ADAMTSL3: variants seen among roughly 807,000 people sequenced by gnomAD.
ADAMTSL3 encodes the protein ADAMTS-like protein 3.
ADAMTSL3 carries 128 observed loss-of-function variants against 201.7 expected under a neutral mutation model. That is an observed-to-expected ratio of 0.63 (90% confidence interval 0.55 to 0.73). ADAMTSL3 has a LOEUF of 0.73. Ranked by LOEUF, ADAMTSL3 falls within the 30% of genes least tolerant of loss-of-function variation. The pLI, the probability that ADAMTSL3 is intolerant of heterozygous loss-of-function variation, is 0.00. For synonymous variants in ADAMTSL3, 738 were observed against 748.4 expected (o/e 0.99, Z 0.23); for missense variants, 1,990 against 2,119.6 (o/e 0.94, Z 1.20).
intron 3 of ADAMTSL3, among the ~76,000 whole-genome samples, chr15:83,726,048 T>G (rs769122170): frequency 2.6e-5 from 4 of 152,166 alleles, no homozygotes; most frequent in Non-Finnish European, 1.5e-5. Flanking sequence ...TTTCCTTTTT[T>G]TGGTGTGTCC....
At position 83,922,197 on chromosome 15, in the gene ADAMTSL3, A is replaced by G. The variant is rs2066160024; in HGVS notation, c.1988-1707A>G. Among the ~76,000 whole-genome samples the G allele has an allele frequency of 3.3e-5, 5 of 152,284 alleles. No individual in the cohort carries two copies. The South Asian group carries it at 8.3e-4, about 25-fold the overall frequency. ...AGAAGTGTCTAAGTAACATTGTAGG[A>G]CCAATGTATGGGATGGGAGATATTT... On this transcript the variant is annotated intron_variant, in intron 16 of 29. Coordinates refer to ENST00000286744, the MANE Select transcript of ADAMTSL3 (RefSeq NM_207517.3).
At chr15:84,024,967 G>C (rs2068275706) in intron 26 of ADAMTSL3, among the ~76,000 whole-genome samples, 1 of 152,012 alleles carries the variant, frequency 6.6e-6, no homozygotes, top group African/African-American at 2.4e-5. Flanking sequence ...TACCCTCTAG[G>C]GCCACACAAG....
At chr15:83,722,465 A>G (rs1273005524) in intron 3 of ADAMTSL3, among the ~76,000 whole-genome samples, 1 of 152,236 alleles carries the variant, frequency 6.6e-6, no homozygotes, top group Non-Finnish European at 1.5e-5. Flanking sequence ...GGAAAAAGAT[A>G]GGAAGGAGCA....
At chr15:83,927,552 G>T (rs999428272) in intron 17 of ADAMTSL3, among the ~76,000 whole-genome samples, 2 of 152,148 alleles carry the variant, frequency 1.3e-5, no homozygotes, top group Admixed American at 1.3e-4. Context: ...GTGAAAAGTA[G>T]CTAGTACTAT....
At chr15:83,941,649 A>G (rs1423148669) in intron 17 of ADAMTSL3, among the ~76,000 whole-genome samples, 2 of 152,206 alleles carry the variant, frequency 1.3e-5, no homozygotes, top group African/African-American at 2.4e-5. Context: ...TGCTGTATGA[A>G]TGGACAGTTA....
chr15:83,943,034 T>C lies in ADAMTSL3; in HGVS notation c.2442T>C (p.Cys814=). 6.2e-7 allele frequency: 1 copy of C among 1,614,014 alleles called. No individual in the cohort carries two copies. The highest frequency in any genetic ancestry group is 8.5e-7 in the Non-Finnish European group (1 of 1,179,912). Residue 814 remains cysteine (C), a synonymous_variant, in exon 19 of 30, where the codon TGT becomes TGC. Coordinates refer to ENST00000286744, the MANE Select transcript of ADAMTSL3 (RefSeq NM_207517.3). ...CCAAGGCATCGTCTCACAAGTCCTG[T>C]GCCAGGACAGACTGTCCTCCACATT... ...QGPKASSHKS[C]ARTDCPPHLA...
chr15:83,684,668 G>A (rs2061514300), intron 2 of ADAMTSL3, among the ~76,000 whole-genome samples: 1 of 152,162 alleles, frequency 6.6e-6, no homozygotes, highest in South Asian at 2.1e-4. Flanking sequence ...CATTATGTTA[G>A]TGAGATTATT....
rs1290503284 is a variant in ADAMTSL3, at chr15:83,661,590, T to G, written c.69+5760T>G. On this transcript the variant is annotated intron_variant, in intron 2 of 29. Transcript: ENST00000286744. ...ATGATTTGGCTCTCTGTTTGTCTTT[T>G]GTTGGTGTATAAGAATGCTTGTGAT... Among the ~76,000 whole-genome samples the G allele has an allele frequency of 5.9e-5, 9 of 152,314 alleles. No individual in the cohort carries two copies. In the East Asian group the frequency reaches 1.7e-3, roughly 29 times the overall value.
intron 9 of ADAMTSL3, among the ~76,000 whole-genome samples, chr15:83,877,820 C>T (rs981577757): frequency 2.0e-5 from 3 of 151,824 alleles, no homozygotes; most frequent in African/African-American, 4.8e-5. Flanking sequence ...CATTTATTTT[C>T]AGGTGTTGGT....
chr15:83,921,153 T>C (rs1767524725), intron 16 of ADAMTSL3, among the ~76,000 whole-genome samples: 1 of 152,206 alleles, frequency 6.6e-6, no homozygotes, highest in Admixed American at 6.5e-5. Flanking sequence ...GGCCTAGGAC[T>C]TTATACAAAT....
chr15:83,748,200 C>T (rs1428357451), intron 3 of ADAMTSL3, among the ~76,000 whole-genome samples: 1 of 152,034 alleles, frequency 6.6e-6, no homozygotes, highest in Non-Finnish European at 1.5e-5. Context: ...AGCACTCTGC[C>T]CTTAGGGAAC....
At chr15:83,908,988 G>A (rs1202086518) in intron 15 of ADAMTSL3, among the ~76,000 whole-genome samples, 1 of 152,194 alleles carries the variant, frequency 6.6e-6, no homozygotes, top group African/African-American at 2.4e-5. Context: ...CTTGCTGACT[G>A]TGGGCTGAGA....
intron 19 of ADAMTSL3, among the ~76,000 whole-genome samples, chr15:83,969,101 G>A (rs2067144709): frequency 6.6e-6 from 1 of 152,092 alleles, no homozygotes; most frequent in South Asian, 2.1e-4. Flanking sequence ...ATGTGGACCT[G>A]TATAACAAAC....
chr15:83,709,348 G>A (rs544714221), intron 3 of ADAMTSL3, among the ~76,000 whole-genome samples: 8 of 152,326 alleles, frequency 5.3e-5, no homozygotes, highest in African/African-American at 1.2e-4. Context: ...GGTACATGAA[G>A]TAGCTAGAAT....
chr15:83,754,940 T>G (rs1001963667), intron 3 of ADAMTSL3, among the ~76,000 whole-genome samples: 2 of 152,212 alleles, frequency 1.3e-5, no homozygotes, highest in African/African-American at 4.8e-5. Flanking sequence ...TCCCTACAAC[T>G]TTCTTCCATT....
At chr15:83,697,467 G>A (rs1223656069) in intron 2 of ADAMTSL3, among the ~76,000 whole-genome samples, 2 of 152,166 alleles carry the variant, frequency 1.3e-5, no homozygotes, top group African/African-American at 2.4e-5. Context: ...AGTAGGTTGA[G>A]TATAGGTTAT....
At chr15:83,816,214 A>G (rs2063768128) in intron 5 of ADAMTSL3, among the ~76,000 whole-genome samples, 1 of 152,218 alleles carries the variant, frequency 6.6e-6, no homozygotes, top group Non-Finnish European at 1.5e-5. Context: ...TTGCTTCAAC[A>G]TGAATCTTAT....
chr15:83,995,658 TTATAGATAATA>T (rs2141846174), intron 23 of ADAMTSL3, among the ~76,000 whole-genome samples: 1 of 152,206 alleles, frequency 6.6e-6, no homozygotes, highest in South Asian at 2.1e-4. Context: ...TTCTTCTTAT[TTATAGATAATA>T]TAATTATCCC....
chr15:83,705,925 A>G (rs948725245), intron 3 of ADAMTSL3, among the ~76,000 whole-genome samples: 7 of 152,126 alleles, frequency 4.6e-5, no homozygotes, highest in Admixed American at 4.6e-4. Flanking sequence ...AAAGTGAGTG[A>G]GTGCATTACT....
Sources: gnomAD v4.1 joint callset for allele counts (sites outside exome capture counted in the v4.1 genomes callset) on GRCh38, gnomAD v4.1.1 for gene constraint, MANE v1.5 for transcripts, NCBI Gene and HGNC (gene_info 2026-07-23, HGNC 2026-07-21) for gene names.